Variants in PYROXD2 observed in about 807,000 individuals in gnomAD.
PYROXD2 encodes pyridine nucleotide-disulphide oxidoreductase domain 2.
In PYROXD2, 69 loss-of-function variants were observed where a neutral mutation model predicts 71.1. The observed-to-expected ratio is 0.97, with a 90% CI of 0.80 to 1.19. PYROXD2 has a LOEUF of 1.19. Among genes scored for constraint, PYROXD2 ranks in the 50% most tolerant of loss-of-function variants. The pLI, the probability that PYROXD2 is intolerant of heterozygous loss-of-function variation, is 0.00. For missense variants in PYROXD2, 745 were observed against 748.9 expected (o/e 0.99, Z 0.06); for synonymous variants, 287 against 302.7 (o/e 0.95, Z 0.54).
intron 9 of PYROXD2, 54 bp from the exon 10 acceptor site, chr10:98,392,620 A>C: frequency 6.3e-7 from 1 of 1,596,342 alleles, no homozygotes; most frequent in Non-Finnish European, 8.5e-7. Flanking sequence ...AATCCATGTT[A>C]GATCTTCCGG....
chr10:98,391,049 A>G lies in PYROXD2; in HGVS notation c.1096T>C (p.Ser366Pro). 1 of 1,613,364 alleles carries G rather than the reference A, an allele frequency of 6.2e-7. No homozygotes were observed. Among genetic ancestry groups the G allele is most frequent in the Non-Finnish European group, 8.5e-7 (1 of 1,179,530 alleles). ...WLPEEFLERI[S>P]QLDTRSPVTK... is the part of the protein sequence containing the mutation. Reference sequence around the variant, plus strand: ...ACAGGCGACCGGGTGTCCAGCTGAGAGATTCTCTCCAGGAACTCCTCAGGA... The same window carrying G: ...ACAGGCGACCGGGTGTCCAGCTGAGGGATTCTCTCCAGGAACTCCTCAGGA... Residue 366 changes from serine to proline, a missense_variant, in exon 11 of 16, where the codon TCT (serine) becomes CCT (proline). Ser to Pro is a moderately conservative substitution (Grantham distance 74). Coordinates refer to ENST00000370575, the MANE Select transcript of PYROXD2 (RefSeq NM_032709.3).
rs1843958075 is a variant in PYROXD2 at position 98,415,029 on chromosome 10, T to C, written c.107A>G (p.Asp36Gly). 6.2e-7 allele frequency: 1 copy of C among 1,613,348 alleles called. No individual in the cohort carries two copies. The highest frequency in any genetic ancestry group is 1.3e-5 in the African/African-American group (1 of 74,886). ...TTTACCTGCTCCTATCACCACCGCA[T>C]CATACTCAGGCTTCAGACCTCCCCT... ...EARGGLKPEY[D>G]AVVIGAGHNG... The change falls in exon 1 of 16, where the codon GAT becomes GGT. Residue 36 changes from aspartate to glycine, a missense_variant. Transcript: ENST00000370575.
intron 5 of PYROXD2, 145 bp from the exon 6 acceptor site, chr10:98,397,643 C>G: frequency 9.7e-7 from 1 of 1,032,132 alleles, no homozygotes; most frequent in East Asian, 3.0e-5. Flanking sequence ...GTTGAGCTCC[C>G]CCAGTTCCAG....
chr10:98,389,606 G>T (rs1357866582), intron 12 of PYROXD2, among the ~76,000 whole-genome samples: 1 of 152,032 alleles, frequency 6.6e-6, no homozygotes, highest in African/African-American at 2.4e-5. Flanking sequence ...GCACACTCCT[G>T]CCCCAGGGCC....
At chr10:98,412,783 C>T (rs558581830) in intron 1 of PYROXD2, among the ~76,000 whole-genome samples, 3 of 152,252 alleles carry the variant, frequency 2.0e-5, no homozygotes, top group South Asian at 4.2e-4. Flanking sequence ...GAGACTCACT[C>T]GCACTTGTAG....
At chr10:98,405,434 A>G (rs1269614415) in intron 4 of PYROXD2, among the ~76,000 whole-genome samples, 3 of 152,182 alleles carry the variant, frequency 2.0e-5, no homozygotes, top group Admixed American at 6.5e-5. Flanking sequence ...GTCTCCAGCC[A>G]TGGGTCTTTC....
At chr10:98,395,573 AGCC>A in intron 6 of PYROXD2, 121 bp from the exon 7 acceptor site, 1 of 802,516 alleles carries the variant, frequency 1.2e-6, no homozygotes, top group Admixed American at 2.0e-5. Context: ...GGTATAGCAC[AGCC>A]AATGCAGGGA....
chr10:98,405,408 G>A (rs760683955), intron 4 of PYROXD2, among the ~76,000 whole-genome samples: 2 of 152,202 alleles, frequency 1.3e-5, no homozygotes, highest in African/African-American at 4.8e-5. Flanking sequence ...CTTATAAGTG[G>A]CAGGGTGGGT....
intron 5 of PYROXD2, among the ~76,000 whole-genome samples, chr10:98,398,665 C>T (rs776296405): frequency 1.4e-4 from 21 of 152,164 alleles, no homozygotes; most frequent in Non-Finnish European, 2.9e-4. Flanking sequence ...TTGCCTCCAG[C>T]GTGTGTGGTC....
intron 12 of PYROXD2, among the ~76,000 whole-genome samples, chr10:98,389,059 C>T (rs940721345): frequency 5.3e-5 from 8 of 152,146 alleles, no homozygotes; most frequent in African/African-American, 7.2e-5. Context: ...TTCAAGGCCA[C>T]GGGAAATGCC....
intron 12 of PYROXD2, among the ~76,000 whole-genome samples, chr10:98,389,928 C>A (rs1036260630): frequency 6.6e-6 from 1 of 152,208 alleles, no homozygotes; most frequent in Non-Finnish European, 1.5e-5. Flanking sequence ...GAACTTTGCC[C>A]TATACCCTTC....
chr10:98,392,922 G>A lies in PYROXD2; in HGVS notation c.927+20C>T, dbSNP rs549061482. The A allele has an allele frequency of 5.6e-6, 9 of 1,610,028 alleles. No homozygotes were observed. In the East Asian group the frequency reaches 1.1e-4, roughly 20 times the overall value. On this transcript the variant is annotated intron_variant, in intron 9 of 15. Coordinates refer to ENST00000370575, the MANE Select transcript of PYROXD2 (RefSeq NM_032709.3). ...TGGGATCCTTACTAATAATTGGGGT[G>A]GGGTAGAGGGGCCGTTCACCTTTTC...
chr10:98,408,027 C>T, intron 2 of PYROXD2, 30 bp from the exon 3 acceptor site: 2 of 1,569,396 alleles, frequency 1.3e-6, no homozygotes, highest in African/African-American at 2.7e-5. Flanking sequence ...ACAGGGCCCT[C>T]CCTTTATCCC....
Position 98,405,431 on chromosome 10 carries a change from G to A in PYROXD2, c.315+2151C>T, listed in dbSNP as rs1843565196. Among the ~76,000 whole-genome samples the A allele has an allele frequency of 2.6e-5, 4 of 152,186 alleles. No individual in the cohort carries two copies. In the South Asian group the frequency reaches 8.3e-4, roughly 31 times the overall value. ...TGGCAGGGTGGGTGAGTAGTCTCCA[G>A]CCATGGGTCTTTCTGGAGCCTCAGT... On this transcript the variant is annotated intron_variant, in intron 4 of 15. Transcript: ENST00000370575.
chr10:98,411,351 G>A (rs775708582), intron 1 of PYROXD2: 6 of 240,196 alleles, frequency 2.5e-5, no homozygotes, highest in South Asian at 1.5e-4. Flanking sequence ...ATGCTGCTGC[G>A]CCAACGTCCC....
In PYROXD2 at chr10:98,401,081, C is replaced by T. The variant is rs527842785; in HGVS notation, c.316-824G>A. The stretch of plus-strand genomic sequence containing the variant: ...CAGCCTGGCCAATATGGTGAAACCC[C>T]GTCTCTAGTAAGAATACAAAAATTA... On this transcript the variant is annotated intron_variant, in intron 4 of 15. Transcript: ENST00000370575. Among the ~76,000 whole-genome samples, 9 of 151,944 alleles carry T rather than the reference C, an allele frequency of 5.9e-5. No individual in the cohort carries two copies. The South Asian group carries it at 1.9e-3, about 32-fold the overall frequency.
intron 8 of PYROXD2, among the ~76,000 whole-genome samples, chr10:98,394,376 GC>G (rs1040645992): frequency 3.9e-5 from 6 of 152,160 alleles, no homozygotes; most frequent in African/African-American, 1.4e-4. Flanking sequence ...CATCTCCATC[GC>G]CCTGGGGGAA....
chr10:98,401,163 G>A lies in PYROXD2; in HGVS notation c.316-906C>T, dbSNP rs556121885. ...AACTACTCGGAAGGCTGAGGCAGGA[G>A]AATTGCTCGAACCTGGAAGGCAGAG... On this transcript the variant is annotated intron_variant, in intron 4 of 15. Transcript: ENST00000370575. 4.0e-5 allele frequency among the ~76,000 whole-genome samples: 6 copies of A among 149,950 alleles called. No homozygotes were observed. The East Asian group carries it at 1.2e-3, about 30-fold the overall frequency.
intron 13 of PYROXD2, 126 bp downstream of exon 13, chr10:98,388,228 C>A: frequency 2.1e-6 from 2 of 932,948 alleles, no homozygotes; most frequent in Admixed American, 2.1e-5. Flanking sequence ...GTTCCCTTGA[C>A]TATTTCCTCC....
Sources: allele counts gnomAD v4.1 joint callset (sites outside exome capture counted in the v4.1 genomes callset), GRCh38; gene constraint gnomAD v4.1.1; transcripts MANE v1.5; gene names NCBI Gene and HGNC (gene_info 2026-07-23, HGNC 2026-07-21).